FAM53A: variants seen among roughly 807,000 people sequenced by gnomAD.
FAM53A encodes the protein protein FAM53A.
A neutral mutation model predicts 26.6 loss-of-function variants in FAM53A; 28 were observed. That is an observed-to-expected ratio of 1.05 (90% confidence interval 0.78 to 1.45). The LOEUF is 1.45. Ranked by LOEUF, FAM53A falls within the 40% of genes most tolerant of loss-of-function variation. The pLI is 0.00. For missense variants in FAM53A, 650 were observed against 575.8 expected (o/e 1.13, Z -1.32); for synonymous variants, 290 against 253.1 (o/e 1.15, Z -1.38).
the FAM53A span, among the ~76,000 whole-genome samples, chr4:1,578,954 C>G: frequency 5.2e-3 from 763 of 147,132 alleles, 32 homozygotes; most frequent in African/African-American, 0.019. Flanking sequence ...GGTCGCCTCT[C>G]GAGGCAGAGC....
At position 1,652,366 on chromosome 4, in the gene FAM53A, A is replaced by G. The variant is rs577719798; in HGVS notation, c.882+2612T>C. On this transcript the variant is annotated intron_variant, in intron 4 of 4. Coordinates refer to ENST00000308132, the MANE Select transcript of FAM53A (RefSeq NM_001174070.3). ...TACACACACCACACGTCACACGCAC[A>G]ACACACACAACACACATCACATGCA... is the stretch of plus-strand genomic sequence containing the variant. Among the ~76,000 whole-genome samples, 4 of 135,934 alleles carry G rather than the reference A, an allele frequency of 2.9e-5. No homozygotes were observed. In the East Asian group the frequency reaches 6.8e-4, roughly 23 times the overall value. The allele number at this position is 135,934 out of a possible 152,430, so 89.2% of individuals were successfully genotyped here.
At chr4:1,644,410 C>G in intron 4 of FAM53A, 1 of 1,513,138 alleles carries the variant, frequency 6.6e-7, no homozygotes, top group Non-Finnish European at 8.8e-7. Context: ...GAAAAAACTT[C>G]TGCCCACAGA....
chr4:1,643,481 T>C (rs889050075), intron 4 of FAM53A, among the ~76,000 whole-genome samples: 59 of 151,322 alleles, frequency 3.9e-4, no homozygotes, highest in Non-Finnish European at 4.1e-4. Flanking sequence ...AATAAATAAA[T>C]AGACAAAAGA....
Position 1,655,042 on chromosome 4 carries a change from T to C in FAM53A, c.818A>G (p.Lys273Arg), listed in dbSNP as rs748918921. 1.9e-6 allele frequency: 3 copies of C among 1,583,516 alleles called. No homozygotes were observed. The highest frequency in any genetic ancestry group is 2.3e-5 in the South Asian group (2 of 86,708). Residue 273 changes from lysine to arginine, a missense_variant, in exon 4 of 5, where the codon AAA becomes AGA. Lys to Arg is a conservative substitution (Grantham distance 26). Transcript: ENST00000308132. ...CCTGGCGTCCTCCTCACGCCTCCGT[T>C]TGCGCCGGCTCCTCTTCCCACTGAG... The part of the protein sequence containing the change: ...CVLSGKRSRR[K>R]RRREEDARWT...
At chr4:1,649,350 G>A (rs1712546398) in intron 4 of FAM53A, among the ~76,000 whole-genome samples, 1 of 152,228 alleles carries the variant, frequency 6.6e-6, no homozygotes, top group African/African-American at 2.4e-5. Context: ...TCCAGCACAA[G>A]GGGTGGGAGG....
intron 2 of FAM53A, among the ~76,000 whole-genome samples, chr4:1,662,897 G>C (rs1713944926): frequency 6.6e-6 from 1 of 152,050 alleles, no homozygotes; most frequent in South Asian, 2.1e-4. Context: ...GCGTTGATGA[G>C]AGTTGGAGAA....
rs770461172 is a variant in FAM53A, at chr4:1,655,102, C to G, written c.758G>C (p.Arg253Pro). ...PTSTPALGGR[R>P]GLLRCRSQPC... is the part of the protein sequence containing the mutation. ...CTGTGAGCGGCACCGGAGCAGCCCA[C>G]GGCGCCCGCCCAGCGCAGGCGTGGA... The change falls in exon 4 of 5, where the codon CGT becomes CCT. Residue 253 changes from arginine to proline, a missense_variant. Transcript: ENST00000308132. The G allele has an allele frequency of 2.5e-6, 4 of 1,600,782 alleles. No individual in the cohort carries two copies. The Admixed American group carries it at 5.1e-5, about 20-fold the overall frequency.
intron 1 of FAM53A, among the ~76,000 whole-genome samples, chr4:1,629,067 G>A (rs1715492029): frequency 6.6e-6 from 1 of 151,970 alleles, no homozygotes; most frequent in African/African-American, 2.4e-5. Context: ...CCCAGGATGT[G>A]CGCCATGCCT....
At chr4:1,575,142 A>G in the FAM53A span, among the ~76,000 whole-genome samples, 1 of 152,116 alleles carries the variant, frequency 6.6e-6, no homozygotes, top group Non-Finnish European at 1.5e-5. Flanking sequence ...CTGGGGGAAG[A>G]GGCAGCTGGG....
intron 2 of FAM53A, among the ~76,000 whole-genome samples, chr4:1,658,393 G>A (rs113939456): frequency 0.013 from 2,013 of 152,284 alleles, 26 homozygotes; most frequent in Non-Finnish European, 0.018. Flanking sequence ...CCTGCCTTTC[G>A]GCAGCCTCAG....
At position 1,668,689 on chromosome 4, in the gene FAM53A, G is replaced by A; in HGVS notation, c.53C>T (p.Thr18Ile). 3 of 1,614,200 alleles carry A rather than the reference G, an allele frequency of 1.9e-6. No homozygotes were observed. Among genetic ancestry groups the A allele is most frequent in the South Asian group, 1.1e-5 (1 of 91,092 alleles). The change falls in exon 2 of 5, where the codon ACC (threonine) becomes ATC (isoleucine). Residue 18 changes from threonine to isoleucine, a missense_variant. Transcript: ENST00000308132. ...TACCGGGCCAGCCTCCGCCTTGCAGGTGAGGTCGTCCAGGCTCTGGCTCTG... is the reference window on the plus strand; with the variant it reads ...TACCGGGCCAGCCTCCGCCTTGCAGATGAGGTCGTCCAGGCTCTGGCTCTG... ...KLQSQSLDDL[T>I]CKAEAGPLQY...
the FAM53A span, among the ~76,000 whole-genome samples, chr4:1,580,745 C>T: frequency 7.0e-6 from 1 of 142,776 alleles, no homozygotes; most frequent in Non-Finnish European, 1.5e-5. Context: ...CAGGTCCTGC[C>T]TCCCGTCCAG....
At chr4:1,653,099 CAG>C (rs1447251111) in intron 4 of FAM53A, among the ~76,000 whole-genome samples, 1 of 149,466 alleles carries the variant, frequency 6.7e-6, no homozygotes, top group Non-Finnish European at 1.5e-5. Flanking sequence ...ATACACCACA[CAG>C]AGCACACACT....
intron 1 of FAM53A, among the ~76,000 whole-genome samples, chr4:1,673,183 G>A (rs915934440): frequency 2.6e-5 from 4 of 152,158 alleles, no homozygotes; most frequent in South Asian, 2.1e-4. Flanking sequence ...GAAAGAGCTC[G>A]ACGAGGCCCT....
At chr4:1,661,172 T>C (rs1026719404) in intron 2 of FAM53A, among the ~76,000 whole-genome samples, 1 of 152,042 alleles carries the variant, frequency 6.6e-6, no homozygotes, top group African/African-American at 2.4e-5. Flanking sequence ...TACTCTGCCC[T>C]CTGGACTCCT....
the FAM53A span, among the ~76,000 whole-genome samples, chr4:1,580,496 G>A: frequency 9.9e-5 from 15 of 151,988 alleles, no homozygotes; most frequent in Non-Finnish European, 1.9e-4. Context: ...CGGGGTGCAC[G>A]GAGCCCCAGA....
intron 2 of FAM53A, among the ~76,000 whole-genome samples, chr4:1,662,976 C>T (rs2403275): frequency 0.59 from 88,970 of 151,902 alleles, 27,625 homozygotes; most frequent in East Asian, 0.89. Flanking sequence ...AGGCGGATCA[C>T]GAGGTCAGGA....
At chr4:1,594,423 G>GC in the FAM53A span, among the ~76,000 whole-genome samples, 2 of 152,238 alleles carry the variant, frequency 1.3e-5, no homozygotes, top group African/African-American at 2.4e-5. Context: ...TAGAGGCACT[G>GC]CCCCCCGGGG....
intron 4 of FAM53A, among the ~76,000 whole-genome samples, chr4:1,643,689 C>G (rs1209159947): frequency 1.3e-5 from 2 of 151,438 alleles, no homozygotes; most frequent in Non-Finnish European, 2.9e-5. Flanking sequence ...ACCTCAGCCT[C>G]TCAAGTGGCT....
Sources: allele counts gnomAD v4.1 joint callset (sites outside exome capture counted in the v4.1 genomes callset), GRCh38; gene constraint gnomAD v4.1.1; transcripts MANE v1.5; gene names NCBI Gene and HGNC (gene_info 2026-07-23, HGNC 2026-07-21).